CKAP5: variants seen among roughly 807,000 people sequenced by gnomAD.
The protein encoded by CKAP5 is cytoskeleton associated protein 5.
In CKAP5, 27 loss-of-function variants were observed where a neutral mutation model predicts 232.8. The ratio of observed to expected loss-of-function variants is 0.12; its 90% confidence interval spans 0.09 to 0.16. The LOEUF (loss-of-function observed/expected upper bound fraction) is 0.16, where lower values mean the gene tolerates loss of function less well. CKAP5 is among the 10% of genes least tolerant of loss of function. The pLI, the probability that CKAP5 is intolerant of heterozygous loss-of-function variation, is 1.00. For missense variants in CKAP5, 1,838 were observed against 2,424.7 expected, an observed-to-expected ratio of 0.76 and a Z score of 5.08; for synonymous variants, 785 against 841.1, an observed-to-expected ratio of 0.93 and a Z score of 1.16.
chr11:46,752,193 T>TATATATATACACACACAC (rs1408030107), intron 38 of CKAP5, among the ~76,000 whole-genome samples: 5 of 66,570 alleles, frequency 7.5e-5, no homozygotes, highest in South Asian at 6.6e-4. Context: ...TATATATATA[T>TATATATATACACACACAC]ACACACACAC....
At position 46,778,278 on chromosome 11, in the gene CKAP5, C is replaced by A; in HGVS notation, c.2609G>T (p.Gly870Val). ...TTTCCTAATCTTCCAATTCTTATCA[C>A]CAATCTTAGATACCAACTCTGAAGT... ...KITSELVSKI[G>V]DKNWKIRKEG... Residue 870 changes from glycine (G) to valine (V), a missense_variant, in exon 22 of 44, where the codon GGT becomes GTT. This residue lies in a region of CKAP5 where 767 missense variants were observed against 954.6 expected (regional missense o/e 0.80). Transcript: ENST00000529230. 6.2e-7 allele frequency: 1 copy of A among 1,613,848 alleles called. No individual in the cohort carries two copies. The highest frequency in any genetic ancestry group is 8.5e-7 in the Non-Finnish European group (1 of 1,179,862).
At chr11:46,816,810 T>A (rs1316089022) in intron 3 of CKAP5, among the ~76,000 whole-genome samples, 2 of 73,916 alleles carry the variant, frequency 2.7e-5, no homozygotes, top group African/African-American at 9.4e-5. Context: ...TTTTTTTTTT[T>A]AAAGAGACAG....
At chr11:46,827,039 C>A (rs1217100649) in intron 1 of CKAP5, among the ~76,000 whole-genome samples, 3 of 152,170 alleles carry the variant, frequency 2.0e-5, no homozygotes, top group Non-Finnish European at 4.4e-5. Context: ...CTTTCCCAGG[C>A]AAGAGGCAAA....
intron 1 of CKAP5, among the ~76,000 whole-genome samples, chr11:46,828,567 A>C (rs1365520360): frequency 6.6e-6 from 1 of 152,180 alleles, no homozygotes. Flanking sequence ...AATATTTATC[A>C]CAAGAGGTAT....
chr11:46,822,969 C>CT (rs896539496), intron 1 of CKAP5, among the ~76,000 whole-genome samples: 7 of 151,688 alleles, frequency 4.6e-5, no homozygotes, highest in South Asian at 2.1e-4. Context: ...TACCTATCTT[C>CT]TTTTTTTTGA....
At chr11:46,822,026 A>G (rs7480260) in intron 1 of CKAP5, among the ~76,000 whole-genome samples, 102,487 of 151,826 alleles carry the variant, frequency 0.68, 35,455 homozygotes, top group Non-Finnish European at 0.77. Context: ...GCGACAGAGT[A>G]AGACTCCATC....
At chr11:46,791,406 C>T (rs1216637839) in intron 13 of CKAP5, among the ~76,000 whole-genome samples, 2 of 151,946 alleles carry the variant, frequency 1.3e-5, no homozygotes, top group Non-Finnish European at 2.9e-5. Flanking sequence ...TAGCTGAGCA[C>T]AGTAGTTCAC....
At position 46,762,017 on chromosome 11, in the gene CKAP5, A is replaced by G. The variant is rs1265152720; in HGVS notation, c.4204T>C (p.Phe1402Leu). 2 of 1,611,878 alleles carry G rather than the reference A, an allele frequency of 1.2e-6. No homozygotes were observed. The highest frequency in any genetic ancestry group is 2.7e-5 in the African/African-American group (2 of 74,902). ...TVYNVHGDQV[F>L]KLIGNLSEKD... Reference sequence around the variant, plus strand: ...TCACTCACATTTCCAATCAGTTTGAACACCTGATCCCCATGTACATTGTAC... The same window carrying G: ...TCACTCACATTTCCAATCAGTTTGAGCACCTGATCCCCATGTACATTGTAC... The change falls in exon 32 of 44, where the codon TTC (phenylalanine) becomes CTC (leucine). Residue 1402 changes from phenylalanine to leucine, a missense_variant. Physicochemically the swap from Phe to Leu is conservative, Grantham distance 22. Around this residue, in one of 6 missense-constraint regions of CKAP5, gnomAD observed 579 missense variants for 843.2 expected, o/e 0.69. Coordinates refer to ENST00000529230, the MANE Select transcript of CKAP5 (RefSeq NM_001008938.4).
At chr11:46,776,185 TCAGA>T in intron 24 of CKAP5, 66 bp downstream of exon 24, 3 of 1,323,442 alleles carry the variant, frequency 2.3e-6, no homozygotes, top group Non-Finnish European at 3.1e-6. Context: ...TGCGTATTTA[TCAGA>T]CAGGCCCAAG....
At chr11:46,791,465 A>C (rs1199384727) in intron 13 of CKAP5, among the ~76,000 whole-genome samples, 1 of 152,036 alleles carries the variant, frequency 6.6e-6, no homozygotes, top group Non-Finnish European at 1.5e-5. Flanking sequence ...TGAGCCCAGC[A>C]GTTTGAGACC....
chr11:46,836,306 G>C (rs1939916410), intron 1 of CKAP5, among the ~76,000 whole-genome samples: 1 of 152,010 alleles, frequency 6.6e-6, no homozygotes, highest in Non-Finnish European at 1.5e-5. Context: ...CTTTTCTGTT[G>C]GAACAATCTA....
rs757327294 is a variant in CKAP5, at chr11:46,762,780, T to C, written c.3892-18A>G. 1 of 1,612,210 alleles carries C rather than the reference T, an allele frequency of 6.2e-7. No individual in the cohort carries two copies. Among genetic ancestry groups the C allele is most frequent in the South Asian group, 1.1e-5 (1 of 90,862 alleles). On this transcript the variant is annotated intron_variant, in intron 30 of 43. Transcript: ENST00000529230. ...TCTCCAACCTAGTCGATAAGGAAAA[T>C]AATGATTAAGTGAGGCATTTCCTAA...
intron 1 of CKAP5, among the ~76,000 whole-genome samples, chr11:46,834,695 G>T (rs190275688): frequency 6.6e-6 from 1 of 152,118 alleles, no homozygotes; most frequent in Non-Finnish European, 1.5e-5. Context: ...GCTATTTGGT[G>T]ATATTCAAGG....
At chr11:46,775,847 T>C (rs1189409006) in intron 24 of CKAP5, among the ~76,000 whole-genome samples, 2 of 151,884 alleles carry the variant, frequency 1.3e-5, no homozygotes, top group African/African-American at 2.4e-5. Context: ...AGGGGAGGGA[T>C]AGCATTAGGA....
intron 1 of CKAP5, among the ~76,000 whole-genome samples, chr11:46,840,272 T>C (rs1427415364): frequency 6.6e-6 from 1 of 152,172 alleles, no homozygotes; most frequent in Non-Finnish European, 1.5e-5. Flanking sequence ...AAACTATAAT[T>C]TGCTACAGTA....
rs773453324 is a variant in CKAP5, at chr11:46,818,418, T to C, written c.143A>G (p.Lys48Arg). The C allele has an allele frequency of 4.3e-6, 7 of 1,612,248 alleles. No individual in the cohort carries two copies. The highest frequency in any genetic ancestry group is 4.5e-5 in the East Asian group (2 of 44,716). ...AAATTTTTTGATCAATCCTAAAAAT[T>C]TGGACCACTCTGGGCTCTTTTCATC... is the stretch of plus-strand genomic sequence containing the variant. Reference protein sequence around the residue: ...IKDEKSPEWSKFLGLIKKFVT... With the variant: ...IKDEKSPEWSRFLGLIKKFVT... The change falls in exon 3 of 44, where the codon AAA (lysine) becomes AGA (arginine). Residue 48 changes from lysine to arginine, a missense_variant. This residue lies in a region of CKAP5 where 285 missense variants were observed against 300.0 expected (regional missense o/e 0.95). Transcript: ENST00000529230.
intron 16 of CKAP5, among the ~76,000 whole-genome samples, chr11:46,786,813 G>GCA (rs376803389): frequency 2.0e-5 from 3 of 151,992 alleles, no homozygotes; most frequent in South Asian, 2.1e-4. Context: ...GACCCAGCGC[G>GCA]CACACACACA....
At chr11:46,786,230 C>T (rs948894275) in intron 16 of CKAP5, among the ~76,000 whole-genome samples, 1 of 152,168 alleles carries the variant, frequency 6.6e-6, no homozygotes, top group African/African-American at 2.4e-5. Flanking sequence ...TTAGTAAGGA[C>T]AGTGAGGTTT....
intron 24 of CKAP5, among the ~76,000 whole-genome samples, chr11:46,772,274 T>C (rs1341984534): frequency 2.0e-5 from 3 of 152,130 alleles, no homozygotes; most frequent in Non-Finnish European, 2.9e-5. Context: ...ATTATTTTCA[T>C]GTGGTTTTTT....
Sources: allele counts gnomAD v4.1 joint callset (sites outside exome capture counted in the v4.1 genomes callset), GRCh38; gene constraint gnomAD v4.1.1; regional missense constraint gnomAD v4.1.1; transcripts MANE v1.5; gene names NCBI Gene and HGNC (gene_info 2026-07-23, HGNC 2026-07-21).